Variants in GPC6 observed in about 807,000 individuals in gnomAD.
GPC6 encodes glypican 6.
GPC6 carries 14 observed loss-of-function variants against 55.2 expected under a neutral mutation model. The ratio of observed to expected loss-of-function variants is 0.25; its 90% CI spans 0.17 to 0.40. The LOEUF (loss-of-function observed/expected upper bound fraction) is 0.40, where lower values mean the gene tolerates loss of function less well. Ranked by LOEUF, GPC6 falls within the 10% of genes least tolerant of loss-of-function variation. The pLI is 1.00. For missense variants in GPC6, 641 were observed against 708.5 expected (o/e 0.90, Z 1.08); for synonymous variants, 278 against 259.6 (o/e 1.07, Z -0.68).
intron 1 of GPC6, among the ~76,000 whole-genome samples, chr13:93,246,090 C>G (rs568525210): frequency 6.6e-6 from 1 of 152,308 alleles, no homozygotes; most frequent in East Asian, 1.9e-4. Flanking sequence ...TTCCATCCCC[C>G]CAACCTCCTC....
chr13:93,947,955 T>C (rs1301679795), intron 3 of GPC6, among the ~76,000 whole-genome samples: 1 of 152,192 alleles, frequency 6.6e-6, no homozygotes, highest in African/African-American at 2.4e-5. Flanking sequence ...CTTTTGTTTT[T>C]CAATTTAAGT....
At chr13:93,224,777 T>G (rs551424951), upstream of GPC6, among the ~76,000 whole-genome samples, 1 of 152,208 alleles carries the variant, frequency 6.6e-6, no homozygotes, top group Non-Finnish European at 1.5e-5. Flanking sequence ...GTGACATTAC[T>G]CAACAAATGG....
chr13:94,032,943 A>C (rs1451895948), intron 4 of GPC6, among the ~76,000 whole-genome samples: 2 of 152,192 alleles, frequency 1.3e-5, no homozygotes, highest in Non-Finnish European at 2.9e-5. Flanking sequence ...TCACATATTC[A>C]TTAGTCCAAC....
chr13:93,540,655 A>G (rs1882257226), intron 1 of GPC6, among the ~76,000 whole-genome samples: 1 of 152,184 alleles, frequency 6.6e-6, no homozygotes, highest in Non-Finnish European at 1.5e-5. Flanking sequence ...CATGTCTATC[A>G]TCTTAAACAT....
chr13:94,235,286 G>T (rs1890847172), intron 4 of GPC6, among the ~76,000 whole-genome samples: 1 of 152,020 alleles, frequency 6.6e-6, no homozygotes, highest in Non-Finnish European at 1.5e-5. Flanking sequence ...ACCAAGGACG[G>T]AATTTTTTAA....
intron 3 of GPC6, among the ~76,000 whole-genome samples, chr13:93,864,865 T>G (rs1468645400): frequency 1.3e-5 from 2 of 151,758 alleles, no homozygotes; most frequent in Non-Finnish European, 2.9e-5. Context: ...AATCCTTTGT[T>G]GACTGGGTCA....
chr13:93,517,922 C>G (rs1301814200), intron 1 of GPC6, among the ~76,000 whole-genome samples: 1 of 151,856 alleles, frequency 6.6e-6, no homozygotes, highest in Non-Finnish European at 1.5e-5. Context: ...TTCAGCAAAT[C>G]TCTCTTCTAA....
intron 3 of GPC6, among the ~76,000 whole-genome samples, chr13:93,890,636 A>G (rs1875618210): frequency 6.6e-6 from 1 of 151,808 alleles, no homozygotes; most frequent in South Asian, 2.1e-4. Context: ...CATGATATAC[A>G]TCAGTAATTT....
chr13:93,267,578 G>A (rs779734267), intron 1 of GPC6, among the ~76,000 whole-genome samples: 17 of 151,920 alleles, frequency 1.1e-4, no homozygotes, highest in Non-Finnish European at 1.9e-4. Flanking sequence ...ATAAGTGAAG[G>A]CCCTTTATGA....
intron 1 of GPC6, among the ~76,000 whole-genome samples, chr13:93,396,823 T>C (rs888618217): frequency 2.0e-5 from 3 of 152,148 alleles, no homozygotes; most frequent in African/African-American, 7.2e-5. Flanking sequence ...TCACATCATA[T>C]GTACTCCCTT....
intron 2 of GPC6, among the ~76,000 whole-genome samples, chr13:93,621,007 C>T (rs1878929501): frequency 6.6e-6 from 1 of 152,088 alleles, no homozygotes; most frequent in Non-Finnish European, 1.5e-5. Context: ...GTGCTTATTT[C>T]TTTAGGTTCT....
At chr13:94,294,595 C>A (rs762255722) in intron 5 of GPC6, among the ~76,000 whole-genome samples, 1 of 151,928 alleles carries the variant, frequency 6.6e-6, no homozygotes, top group Non-Finnish European at 1.5e-5. Context: ...AACATTATAG[C>A]CTTGATTATT....
chr13:94,101,083 C>T (rs1253262781), intron 4 of GPC6, among the ~76,000 whole-genome samples: 1 of 152,224 alleles, frequency 6.6e-6, no homozygotes, highest in Admixed American at 6.5e-5. Context: ...TTCTCTCAGC[C>T]CTTCTCTCCC....
At chr13:93,657,649 A>G (rs995335631) in intron 2 of GPC6, among the ~76,000 whole-genome samples, 1 of 152,042 alleles carries the variant, frequency 6.6e-6, no homozygotes, top group Non-Finnish European at 1.5e-5. Flanking sequence ...TAAGCTATCA[A>G]CAGAGTAAAC....
At chr13:93,332,337 G>A (rs1879884039) in intron 1 of GPC6, among the ~76,000 whole-genome samples, 1 of 150,148 alleles carries the variant, frequency 6.7e-6, no homozygotes, top group Non-Finnish European at 1.5e-5. Context: ...CCACGCAACA[G>A]TGTGTAGGAA....
At position 93,926,093 on chromosome 13, in the gene GPC6, T is replaced by C. The variant is rs186403890; in HGVS notation, c.711+95548T>C. 2.2e-3 allele frequency among the ~76,000 whole-genome samples: 328 copies of C among 152,238 alleles called. 1 individual carries two copies. Among genetic ancestry groups the C allele is most frequent in the Admixed American group, 5.4e-3 (83 of 15,284 alleles). On this transcript the variant is annotated intron_variant, in intron 3 of 8. Transcript: ENST00000377047. ...CAGCAAGCATTCCAATAGAGCAAGG[T>C]GGAAGCCTTAGTGATTCCAGTAACC... is the stretch of plus-strand genomic sequence containing the variant.
chr13:93,780,678 C>T (rs1319803367), intron 2 of GPC6, among the ~76,000 whole-genome samples: 1 of 151,362 alleles, frequency 6.6e-6, no homozygotes, highest in Non-Finnish European at 1.5e-5. Flanking sequence ...AAGGTTACTC[C>T]TATTAAAGGT....
chr13:94,171,419 C>A (rs1327584441), intron 4 of GPC6, among the ~76,000 whole-genome samples: 1 of 152,160 alleles, frequency 6.6e-6, no homozygotes, highest in African/African-American at 2.4e-5. Flanking sequence ...AAGGCTGTTA[C>A]ATTTTGACTA....
chr13:93,473,572 C>T (rs1316855819), intron 1 of GPC6, among the ~76,000 whole-genome samples: 5 of 152,186 alleles, frequency 3.3e-5, no homozygotes, highest in Non-Finnish European at 7.4e-5. Flanking sequence ...GGCAGTGGAG[C>T]GCATGCATAT....
Sources: allele counts gnomAD v4.1 joint callset (sites outside exome capture counted in the v4.1 genomes callset), GRCh38; gene constraint gnomAD v4.1.1; transcripts MANE v1.5; gene names NCBI Gene and HGNC (gene_info 2026-07-23, HGNC 2026-07-21).